Variants in CLSTN2 observed in about 807,000 individuals in gnomAD.
CLSTN2 encodes calsyntenin 2.
A neutral mutation model predicts 101.2 loss-of-function variants in CLSTN2; 48 were observed. The ratio of observed to expected loss-of-function variants is 0.47; its 90% CI spans 0.38 to 0.60. The LOEUF is 0.60. Ranked by LOEUF, CLSTN2 falls within the 20% of genes least tolerant of loss-of-function variation. The probability of loss-of-function intolerance (pLI) is 0.00; values close to 1 mark genes in which losing one functional copy is unlikely to be tolerated. For missense variants in CLSTN2, 1,160 were observed against 1,238.2 expected (o/e 0.94, Z 0.95); for synonymous variants, 481 against 463.6 (o/e 1.04, Z -0.48).
chr3:140,211,533 G>GTA (rs1374939672), intron 2 of CLSTN2, among the ~76,000 whole-genome samples: 1 of 146,208 alleles, frequency 6.8e-6, no homozygotes, highest in African/African-American at 2.6e-5. Flanking sequence ...ATCAAAATCT[G>GTA]TGTGTGTGTG....
intron 2 of CLSTN2, among the ~76,000 whole-genome samples, chr3:140,266,555 A>G (rs2086695290): frequency 1.3e-5 from 2 of 152,188 alleles, no homozygotes; most frequent in Non-Finnish European, 1.5e-5. Flanking sequence ...TATTCTGTTT[A>G]CCTATCTATT....
At chr3:140,238,674 G>T (rs1352628784) in intron 2 of CLSTN2, among the ~76,000 whole-genome samples, 2 of 152,138 alleles carry the variant, frequency 1.3e-5, no homozygotes, top group Non-Finnish European at 2.9e-5. Flanking sequence ...GATCTTTTTA[G>T]AATTAGAATG....
At chr3:140,248,676 AG>A (rs1287355034) in intron 2 of CLSTN2, among the ~76,000 whole-genome samples, 8 of 152,198 alleles carry the variant, frequency 5.3e-5, no homozygotes, top group African/African-American at 1.9e-4. Context: ...CAACTCTACC[AG>A]TTCACTCTAG....
At chr3:140,096,212 TC>T (rs932281508) in intron 1 of CLSTN2, among the ~76,000 whole-genome samples, 1 of 152,118 alleles carries the variant, frequency 6.6e-6, no homozygotes, top group Non-Finnish European at 1.5e-5. Flanking sequence ...TTTCATGCTG[TC>T]CCCAGCTCCC....
intron 1 of CLSTN2, among the ~76,000 whole-genome samples, chr3:140,065,453 GAGA>G (rs1488594688): frequency 6.6e-6 from 1 of 152,216 alleles, no homozygotes; most frequent in East Asian, 1.9e-4. Context: ...GTAACTTGAG[GAGA>G]AGAACTATCC....
chr3:140,150,921 G>C (rs2009854749), intron 1 of CLSTN2, among the ~76,000 whole-genome samples: 1 of 151,982 alleles, frequency 6.6e-6, no homozygotes, highest in Non-Finnish European at 1.5e-5. Context: ...ATAATAAAAA[G>C]CAACAGGAAA....
chr3:140,541,597 C>T (rs349556), intron 9 of CLSTN2, among the ~76,000 whole-genome samples: 8,142 of 152,256 alleles, frequency 0.053, 256 homozygotes, highest in Admixed American at 0.077. Flanking sequence ...GCTTCTCATG[C>T]TTTCTCTGTA....
At chr3:140,183,932 A>G (rs867387667) in intron 2 of CLSTN2, among the ~76,000 whole-genome samples, 21 of 152,348 alleles carry the variant, frequency 1.4e-4, no homozygotes, top group South Asian at 6.2e-4. Context: ...GTCTGCAAGT[A>G]TTGCTGTGCA....
chr3:140,312,448 G>C (rs563514084), intron 2 of CLSTN2, among the ~76,000 whole-genome samples: 1 of 152,278 alleles, frequency 6.6e-6, no homozygotes, highest in South Asian at 2.1e-4. Flanking sequence ...TTTCCCCAAG[G>C]AAATATACCA....
intron 1 of CLSTN2, among the ~76,000 whole-genome samples, chr3:139,980,684 A>C (rs1935899179): frequency 6.6e-6 from 1 of 152,084 alleles, no homozygotes; most frequent in African/African-American, 2.4e-5. Context: ...AATCTGTATG[A>C]GAGTATCTCA....
chr3:140,233,368 T>G (rs1192268255), intron 2 of CLSTN2, among the ~76,000 whole-genome samples: 2 of 152,132 alleles, frequency 1.3e-5, no homozygotes, highest in African/African-American at 4.8e-5. Flanking sequence ...GCTGTATAGG[T>G]GTTCTCCTCC....
chr3:140,229,903 C>T (rs994992100), intron 2 of CLSTN2, among the ~76,000 whole-genome samples: 1 of 152,126 alleles, frequency 6.6e-6, no homozygotes, highest in East Asian at 1.9e-4. Context: ...CACAGTGTAT[C>T]CTGATCGTCC....
At chr3:140,293,334 C>A (rs919565475) in intron 2 of CLSTN2, among the ~76,000 whole-genome samples, 2 of 152,128 alleles carry the variant, frequency 1.3e-5, no homozygotes, top group African/African-American at 2.4e-5. Flanking sequence ...CTTGAGCACA[C>A]TCTGGTCATT....
Position 140,558,787 on chromosome 3 carries a change from C to A in CLSTN2, c.1971C>A (p.Thr657=), listed in dbSNP as rs1239678614. 4 of 1,613,976 alleles carry A rather than the reference C, an allele frequency of 2.5e-6. No homozygotes were observed. The Admixed American group carries it at 6.7e-5, about 27-fold the overall frequency. ...AGTTTGAAAGTGCCAGGGGAGTGAC[C>A]CTCTTCCCTGATATCAAGATTGTGA... The part of the protein sequence containing the change: ...AAQFESARGV[T]LFPDIKIVST... Residue 657 remains threonine (T), a synonymous_variant, in exon 12 of 17, where the codon ACC becomes ACA. Transcript: ENST00000458420.
chr3:140,237,519 C>T (rs755617083), intron 2 of CLSTN2, among the ~76,000 whole-genome samples: 4 of 152,128 alleles, frequency 2.6e-5, no homozygotes, highest in Non-Finnish European at 4.4e-5. Flanking sequence ...CACTCTTCCC[C>T]GTACATGATA....
chr3:140,371,657 T>C (rs1410808391), intron 2 of CLSTN2, among the ~76,000 whole-genome samples: 1 of 152,200 alleles, frequency 6.6e-6, no homozygotes, highest in Admixed American at 6.5e-5. Context: ...AATTAGATCC[T>C]TACTTTCAGC....
At chr3:140,059,683 C>G (rs2008163996) in intron 1 of CLSTN2, among the ~76,000 whole-genome samples, 1 of 152,000 alleles carries the variant, frequency 6.6e-6, no homozygotes, top group Non-Finnish European at 1.5e-5. Context: ...AGAAGCTTGC[C>G]CTATTAAGAC....
chr3:140,287,175 A>G (rs1217063655), intron 2 of CLSTN2, among the ~76,000 whole-genome samples: 3 of 152,196 alleles, frequency 2.0e-5, no homozygotes, highest in Non-Finnish European at 4.4e-5. Context: ...GAAAAAATCC[A>G]GGTATGAAAA....
At chr3:140,153,112 G>A (rs979695550) in intron 1 of CLSTN2, among the ~76,000 whole-genome samples, 1 of 152,172 alleles carries the variant, frequency 6.6e-6, no homozygotes, top group Non-Finnish European at 1.5e-5. Context: ...TGGAGAAAAG[G>A]GGTTGAGGTT....
Sources: gnomAD v4.1 joint callset for allele counts (sites outside exome capture counted in the v4.1 genomes callset) on GRCh38, gnomAD v4.1.1 for gene constraint, MANE v1.5 for transcripts, NCBI Gene and HGNC (gene_info 2026-07-23, HGNC 2026-07-21) for gene names.